The following MSI2 variants were observed in gnomAD, a reference collection of about 807,000 sequenced individuals.
The protein encoded by MSI2 is musashi RNA binding protein 2.
A neutral mutation model predicts 45.6 loss-of-function variants in MSI2; 17 were observed. The ratio of observed to expected loss-of-function variants is 0.37; its 90% confidence interval spans 0.26 to 0.56. MSI2 has a LOEUF of 0.56. Ranked by LOEUF, MSI2 falls within the 20% of genes least tolerant of loss-of-function variation. MSI2 has a pLI of 0.77. For missense variants in MSI2, 293 were observed against 444.2 expected, an observed-to-expected ratio of 0.66 and a Z score of 3.06; for synonymous variants, 156 against 158.2, an observed-to-expected ratio of 0.99 and a Z score of 0.11.
At chr17:57,559,050 G>A (rs1453857797) in intron 7 of MSI2, among the ~76,000 whole-genome samples, 1 of 152,082 alleles carries the variant, frequency 6.6e-6, no homozygotes, top group Admixed American at 6.6e-5. Flanking sequence ...TGACAAGAGC[G>A]AGACTCCATC....
Position 57,596,841 on chromosome 17 carries a change from T to A in MSI2, c.455-27T>A. The A allele has an allele frequency of 6.3e-7, 1 of 1,581,180 alleles. No individual in the cohort carries two copies. The highest frequency in any genetic ancestry group is 1.3e-5 in the African/African-American group (1 of 74,348). ...ACTGAACTCACCCCGCCTCTCTTTGTTTTTTCTTCTCTCTCTTTTCCTTTA... is the reference window on the plus strand; with the variant it reads ...ACTGAACTCACCCCGCCTCTCTTTGATTTTTCTTCTCTCTCTTTTCCTTTA... On this transcript the variant is annotated intron_variant, in intron 7 of 13. Transcript: ENST00000284073. This position sits in a 1 kb window ranked among gnomAD's most constrained non-coding sequence, Gnocchi z 4.6.
At chr17:57,635,965 G>A (rs1909804420) in intron 10 of MSI2, among the ~76,000 whole-genome samples, 1 of 152,204 alleles carries the variant, frequency 6.6e-6, no homozygotes, top group East Asian at 1.9e-4. Flanking sequence ...TCGGCGCCAG[G>A]TGATTTTCCA....
intron 6 of MSI2, among the ~76,000 whole-genome samples, chr17:57,510,593 A>G (rs1405466021): frequency 6.6e-6 from 1 of 151,438 alleles, no homozygotes; most frequent in East Asian, 1.9e-4. Context: ...ACGCCCGGCT[A>G]ATTTCTGTAT....
At chr17:57,497,855 C>T (rs1350319076) in intron 6 of MSI2, among the ~76,000 whole-genome samples, 2 of 152,180 alleles carry the variant, frequency 1.3e-5, no homozygotes, top group Non-Finnish European at 2.9e-5. Context: ...CCCATAGATG[C>T]CTAGGTATTA....
chr17:57,623,899 C>A (rs1908544567), intron 9 of MSI2, among the ~76,000 whole-genome samples: 1 of 152,352 alleles, frequency 6.6e-6, no homozygotes, highest in South Asian at 2.1e-4. Flanking sequence ...TTTATGATTT[C>A]ATCTGCCTGA....
At chr17:57,598,325 A>G (rs527472431) in intron 8 of MSI2, among the ~76,000 whole-genome samples, 2 of 152,338 alleles carry the variant, frequency 1.3e-5, no homozygotes, top group Admixed American at 1.3e-4. Context: ...GTGTTCACCA[A>G]CTTTAAATTC....
intron 6 of MSI2, among the ~76,000 whole-genome samples, chr17:57,427,495 A>G (rs1248321761): frequency 1.3e-5 from 2 of 152,154 alleles, no homozygotes; most frequent in Non-Finnish European, 2.9e-5. Flanking sequence ...GCCTGGTTGC[A>G]GTTGAGGGTA....
intron 5 of MSI2, among the ~76,000 whole-genome samples, chr17:57,371,550 T>TACAC (rs72265561): frequency 2.1e-5 from 3 of 143,306 alleles, no homozygotes; most frequent in Admixed American, 2.1e-4. Context: ...GACACAGGTA[T>TACAC]ACACACACAC....
In MSI2 at chr17:57,485,110, T is replaced by C. The variant is rs577228014; in HGVS notation, c.406-44566T>C. ...CAGAGCTGAGTGTTTCCAGTTCAAA[T>C]GGGTGTTCCCAGAGTGGGTTTTGTT... On this transcript the variant is annotated intron_variant, in intron 6 of 13. Coordinates refer to ENST00000284073, the MANE Select transcript of MSI2 (RefSeq NM_138962.4). Among the ~76,000 whole-genome samples the C allele has an allele frequency of 5.3e-5, 8 of 152,286 alleles. No individual in the cohort carries two copies. In the East Asian group the frequency reaches 1.5e-3, roughly 29 times the overall value.
intron 11 of MSI2, among the ~76,000 whole-genome samples, chr17:57,670,310 T>C (rs1478345328): frequency 2.0e-5 from 3 of 152,172 alleles, no homozygotes; most frequent in Non-Finnish European, 4.4e-5. Context: ...CTAATTCCAC[T>C]CTCAGCCCAG....
chr17:57,634,844 G>C (rs960132290), intron 10 of MSI2, among the ~76,000 whole-genome samples: 5 of 152,176 alleles, frequency 3.3e-5, no homozygotes, highest in Non-Finnish European at 7.3e-5. Flanking sequence ...CATAGTCTAA[G>C]AAGGCTGCTC....
intron 6 of MSI2, among the ~76,000 whole-genome samples, chr17:57,499,178 C>T (rs1307683909): frequency 2.0e-5 from 3 of 151,864 alleles, no homozygotes; most frequent in African/African-American, 4.8e-5. Context: ...GAGTTCAAGA[C>T]TAGCCTGGCC....
chr17:57,676,059 AG>A (rs1177975749), intron 12 of MSI2, among the ~76,000 whole-genome samples: 3 of 152,230 alleles, frequency 2.0e-5, no homozygotes, highest in Non-Finnish European at 4.4e-5. Context: ...GTGCGTCTGC[AG>A]TCCCAGGCCA....
At chr17:57,441,990 A>C (rs76301475) in intron 6 of MSI2, among the ~76,000 whole-genome samples, 3,031 of 151,536 alleles carry the variant, frequency 0.02, 81 homozygotes, top group African/African-American at 0.058. Flanking sequence ...TTGGCTGTAC[A>C]TTTAAACTGG....
chr17:57,286,782 C>G (rs1032585418), intron 5 of MSI2, among the ~76,000 whole-genome samples: 23 of 152,232 alleles, frequency 1.5e-4, no homozygotes, highest in Admixed American at 1.0e-3. Context: ...CCCCCTCCCC[C>G]GCTTATTATT....
chr17:57,625,312 C>T (rs1218440000), intron 9 of MSI2, among the ~76,000 whole-genome samples: 1 of 152,202 alleles, frequency 6.6e-6, no homozygotes, highest in Non-Finnish European at 1.5e-5. Flanking sequence ...GTGGCAGATC[C>T]ACTGATCCTA....
At chr17:57,616,330 C>G (rs1012527527) in intron 9 of MSI2, 4 of 359,446 alleles carry the variant, frequency 1.1e-5, no homozygotes, top group Non-Finnish European at 2.0e-5. Context: ...TGCCCCATGC[C>G]TGGCTTATAG....
intron 7 of MSI2, among the ~76,000 whole-genome samples, chr17:57,566,664 G>A (rs908917497): frequency 1.3e-5 from 2 of 152,228 alleles, no homozygotes; most frequent in African/African-American, 4.8e-5. Flanking sequence ...TATTCACTCA[G>A]TAACTGAGAG....
intron 12 of MSI2, among the ~76,000 whole-genome samples, chr17:57,675,748 A>G (rs901932484): frequency 1.3e-5 from 2 of 152,168 alleles, no homozygotes; most frequent in Non-Finnish European, 2.9e-5. Flanking sequence ...CCAGGTTCCA[A>G]GTAAGTTCCC....
Sources: allele counts gnomAD v4.1 joint callset (sites outside exome capture counted in the v4.1 genomes callset), GRCh38; gene constraint gnomAD v4.1.1; non-coding constraint Gnocchi (gnomAD v3.1); transcripts MANE v1.5; gene names NCBI Gene and HGNC (gene_info 2026-07-23, HGNC 2026-07-21).